Variants in LOC400499 observed in about 807,000 individuals in gnomAD.
chr16:11,428,770 A>G, the LOC400499 span, among the ~76,000 whole-genome samples: 2 of 152,176 alleles, frequency 1.3e-5, no homozygotes, highest in African/African-American at 2.4e-5. Flanking sequence ...CCCCTATTCA[A>G]GATGGAGTTG....
the LOC400499 span, among the ~76,000 whole-genome samples, chr16:11,500,369 G>C: frequency 1.3e-5 from 2 of 152,126 alleles, no homozygotes; most frequent in African/African-American, 4.8e-5. Context: ...AACTTAGCCA[G>C]GTGGGGTGGT....
At chr16:11,376,245 T>C in the LOC400499 span, among the ~76,000 whole-genome samples, 3 of 152,232 alleles carry the variant, frequency 2.0e-5, no homozygotes, top group African/African-American at 7.2e-5. Flanking sequence ...TGGTGTCATA[T>C]GCGCCATATC....
At chr16:11,391,680 C>G in the LOC400499 span, 1 of 1,232,262 alleles carries the variant, frequency 8.1e-7, no homozygotes, top group Non-Finnish European at 1.0e-6. Context: ...CAGCTCCTCC[C>G]GCAGCTGCTC....
At chr16:11,468,523 G>T in the LOC400499 span, among the ~76,000 whole-genome samples, 2 of 152,146 alleles carry the variant, frequency 1.3e-5, no homozygotes, top group Non-Finnish European at 2.9e-5. Context: ...ACCGGGTCTT[G>T]CTATGTTGCC....
the LOC400499 span, among the ~76,000 whole-genome samples, chr16:11,484,095 C>A: frequency 6.7e-6 from 1 of 148,908 alleles, no homozygotes; most frequent in African/African-American, 2.5e-5. Flanking sequence ...GCAAGCTCCG[C>A]CTCCCGAGTT....
At chr16:11,400,149 C>A in the LOC400499 span, among the ~76,000 whole-genome samples, 1 of 152,098 alleles carries the variant, frequency 6.6e-6, no homozygotes, top group African/African-American at 2.4e-5. Context: ...GCCTCCAGGG[C>A]CAGCATGATC....
chr16:11,493,103 CCAGAGGT>C, the LOC400499 span, among the ~76,000 whole-genome samples: 1 of 151,962 alleles, frequency 6.6e-6, no homozygotes, highest in African/African-American at 2.4e-5. Context: ...CAGGTGAGGC[CCAGAGGT>C]CAGATCCCTC....
chr16:11,467,168 G>T, the LOC400499 span: 1 of 154,124 alleles, frequency 6.5e-6, no homozygotes, highest in African/African-American at 2.4e-5. Context: ...GGCCAGGCTG[G>T]TCTCAAACTC....
At chr16:11,422,785 A>G in the LOC400499 span, among the ~76,000 whole-genome samples, 4 of 152,210 alleles carry the variant, frequency 2.6e-5, no homozygotes, top group Non-Finnish European at 5.9e-5. Context: ...CGGCAGAGAC[A>G]GCTTGAAGCC....
the LOC400499 span, among the ~76,000 whole-genome samples, chr16:11,387,775 CGCAACACCCG>C: frequency 6.6e-6 from 1 of 152,144 alleles, no homozygotes; most frequent in Non-Finnish European, 1.5e-5. Flanking sequence ...CAGCGCCCAC[CGCAACACCCG>C]GCTAATTTTT....
the LOC400499 span, among the ~76,000 whole-genome samples, chr16:11,388,973 G>C: frequency 5.9e-5 from 9 of 152,306 alleles, no homozygotes; most frequent in African/African-American, 1.7e-4. Flanking sequence ...TGTAATCCCA[G>C]CTACTTGAGA....
At chr16:11,399,704 GC>G in the LOC400499 span, 1 of 398,904 alleles carries the variant, frequency 2.5e-6, no homozygotes, top group Non-Finnish European at 4.4e-6. Flanking sequence ...CCACATACCT[GC>G]CCCGGGGAGG....
At chr16:11,462,223 C>A in the LOC400499 span, 2 of 1,534,140 alleles carry the variant, frequency 1.3e-6, no homozygotes, top group Non-Finnish European at 1.7e-6. Context: ...CGGGGCTGCC[C>A]CCCGTCACCA....
the LOC400499 span, among the ~76,000 whole-genome samples, chr16:11,459,704 C>A: frequency 6.6e-6 from 1 of 152,226 alleles, no homozygotes; most frequent in Non-Finnish European, 1.5e-5. Context: ...CCTTGGCACT[C>A]TGACAAGTGT....
At chr16:11,462,076 G>T in the LOC400499 span, 3 of 1,417,016 alleles carry the variant, frequency 2.1e-6, no homozygotes, top group Admixed American at 8.7e-5. Context: ...ACCCTAACCT[G>T]GCCACAGAGC....
At chr16:11,399,086 C>A in the LOC400499 span, 1 of 437,746 alleles carries the variant, frequency 2.3e-6, no homozygotes, top group Non-Finnish European at 3.0e-6. Flanking sequence ...CCAAGCTCTG[C>A]AGAACAGTGC....
chr16:11,445,455 TC>T, the LOC400499 span, among the ~76,000 whole-genome samples: 1 of 150,946 alleles, frequency 6.6e-6, no homozygotes, highest in Non-Finnish European at 1.5e-5. Flanking sequence ...ATATAAGGCA[TC>T]GCTAGGGTAA....
At chr16:11,457,591 CAAAAAAA>C in the LOC400499 span, among the ~76,000 whole-genome samples, 1 of 97,092 alleles carries the variant, frequency 1.0e-5, no homozygotes, top group Non-Finnish European at 2.1e-5. Context: ...GACTCCATCT[CAAAAAAA>C]AAAAAAAAAA....
At chr16:11,512,788 T>G in the LOC400499 span, among the ~76,000 whole-genome samples, 1 of 152,220 alleles carries the variant, frequency 6.6e-6, no homozygotes, top group East Asian at 1.9e-4. Flanking sequence ...GGGACACCAC[T>G]GGGTCCTGGC....
Sources: gnomAD v4.1 joint callset for allele counts (sites outside exome capture counted in the v4.1 genomes callset) on GRCh38, gnomAD v4.1.1 for gene constraint, MANE v1.5 for transcripts.